The following MEI4 variants were observed in gnomAD, a reference collection of about 807,000 sequenced individuals.
The protein encoded by MEI4 is meiosis-specific protein MEI4.
MEI4 carries 27 observed loss-of-function variants against 31.4 expected under a neutral mutation model. The ratio of observed to expected loss-of-function variants is 0.86; its 90% CI spans 0.63 to 1.19. The LOEUF is 1.19. Among genes scored for constraint, MEI4 ranks in the 50% most tolerant of loss-of-function variants. The pLI is 0.00. For synonymous variants in MEI4, 122 were observed against 145.4 expected (o/e 0.84, Z 1.16); for missense variants, 329 against 398.9 (o/e 0.82, Z 1.49).
intron 1 of MEI4, among the ~76,000 whole-genome samples, chr6:77,676,852 T>C (rs1007140156): frequency 1.3e-5 from 2 of 152,210 alleles, no homozygotes; most frequent in Non-Finnish European, 2.9e-5. Context: ...AAGAAATATA[T>C]CTAATTCATC....
At chr6:77,702,275 G>C (rs1219391852) in intron 2 of MEI4, among the ~76,000 whole-genome samples, 1 of 152,188 alleles carries the variant, frequency 6.6e-6, no homozygotes, top group Non-Finnish European at 1.5e-5. Flanking sequence ...CGACACAACT[G>C]TGGAGCTCAG....
intron 4 of MEI4, among the ~76,000 whole-genome samples, chr6:77,899,587 C>G (rs1581962413): frequency 6.6e-6 from 1 of 152,016 alleles, no homozygotes; most frequent in East Asian, 1.9e-4. Context: ...TTGATGCTTT[C>G]TAGATGAGCA....
chr6:77,856,579 A>G (rs1320313085), intron 4 of MEI4, among the ~76,000 whole-genome samples: 1 of 152,116 alleles, frequency 6.6e-6, no homozygotes, highest in Non-Finnish European at 1.5e-5. Flanking sequence ...ATGTTGCATG[A>G]TTTTGGAAAC....
chr6:77,734,545 T>C (rs940192365), intron 2 of MEI4, among the ~76,000 whole-genome samples: 3 of 152,174 alleles, frequency 2.0e-5, no homozygotes, highest in Admixed American at 2.0e-4. Flanking sequence ...GCACGTGAGA[T>C]GGGTTTCCTG....
rs556935434 is a variant in MEI4, at chr6:77,727,061, A to AGAT, written c.233-34068_233-34066dup. ...ATTACAATTTTTTTTGGTACCTGCA[A>AGAT]GATCCATTGTTAGATTTCTCTTGGG... On this transcript the variant is annotated intron_variant, in intron 2 of 4. Coordinates refer to ENST00000684080, the MANE Select transcript of MEI4 (RefSeq NM_001322247.2). Among the ~76,000 whole-genome samples the AGAT allele has an allele frequency of 5.4e-4, 82 of 152,346 alleles. 1 individual carries two copies. Among genetic ancestry groups the AGAT allele is most frequent in the African/African-American group, 1.9e-3 (80 of 41,582 alleles).
chr6:77,923,018 T>TATC, intron 4 of MEI4, 71 bp from the exon 5 acceptor site: 1 of 942,896 alleles, frequency 1.1e-6, no homozygotes. Context: ...GAAACTCTGA[T>TATC]ATCTTTATAT....
chr6:77,869,133 C>T (rs1297455450), intron 4 of MEI4, among the ~76,000 whole-genome samples: 1 of 152,106 alleles, frequency 6.6e-6, no homozygotes, highest in Non-Finnish European at 1.5e-5. Flanking sequence ...AAGCAAAGTG[C>T]TTCCTGGGCC....
At chr6:77,728,135 T>G (rs986307626) in intron 2 of MEI4, among the ~76,000 whole-genome samples, 1 of 80,072 alleles carries the variant, frequency 1.2e-5, no homozygotes, top group African/African-American at 3.3e-5. Flanking sequence ...ACATTCAATT[T>G]AGATAGATGT....
chr6:77,781,475 T>A (rs927185194), intron 3 of MEI4, among the ~76,000 whole-genome samples: 1 of 152,154 alleles, frequency 6.6e-6, no homozygotes, highest in African/African-American at 2.4e-5. Context: ...TGGGAGTTTA[T>A]TAGAAATGCA....
chr6:77,886,776 G>C (rs1771630090), intron 4 of MEI4, among the ~76,000 whole-genome samples: 1 of 152,040 alleles, frequency 6.6e-6, no homozygotes, highest in African/African-American at 2.4e-5. Flanking sequence ...ATGGGGCTTT[G>C]TATTTCTGTG....
At chr6:77,659,539 A>G (rs1381743956) in intron 1 of MEI4, among the ~76,000 whole-genome samples, 2 of 152,112 alleles carry the variant, frequency 1.3e-5, no homozygotes, top group East Asian at 1.9e-4. Flanking sequence ...ATGGTGTATG[A>G]GAAAACGTTG....
chr6:77,755,304 C>T (rs568086891), intron 2 of MEI4, among the ~76,000 whole-genome samples: 1 of 151,744 alleles, frequency 6.6e-6, no homozygotes, highest in Non-Finnish European at 1.5e-5. Context: ...ACCTTATAAA[C>T]AGAAAAAAAA....
intron 3 of MEI4, among the ~76,000 whole-genome samples, chr6:77,773,828 C>T (rs555539637): frequency 6.6e-6 from 1 of 152,054 alleles, no homozygotes; most frequent in East Asian, 1.9e-4. Flanking sequence ...AGAAAAACAT[C>T]TAATAATCTG....
intron 4 of MEI4, 26 bp downstream of exon 4, chr6:77,829,088 C>A: frequency 1.6e-6 from 2 of 1,225,834 alleles, no homozygotes; most frequent in South Asian, 8.3e-5. Flanking sequence ...AACTGTAGTT[C>A]TCATATATAG....
At chr6:77,751,107 C>T (rs979117943) in intron 2 of MEI4, among the ~76,000 whole-genome samples, 1 of 151,920 alleles carries the variant, frequency 6.6e-6, no homozygotes, top group Admixed American at 6.6e-5. Context: ...CTCTGAGACA[C>T]ATTTAAAACA....
chr6:77,919,403 A>G (rs956813831), intron 4 of MEI4, among the ~76,000 whole-genome samples: 2 of 151,966 alleles, frequency 1.3e-5, no homozygotes, highest in Admixed American at 6.6e-5. Context: ...TGACTACTGG[A>G]TACATAACGA....
intron 3 of MEI4, among the ~76,000 whole-genome samples, chr6:77,825,784 AC>A (rs1769931996): frequency 6.6e-6 from 1 of 152,170 alleles, no homozygotes. Flanking sequence ...TGATCTACTC[AC>A]AGTATCTGTC....
chr6:77,656,448 C>T (rs1180593720), intron 1 of MEI4, among the ~76,000 whole-genome samples: 1 of 151,990 alleles, frequency 6.6e-6, no homozygotes, highest in South Asian at 2.1e-4. Context: ...GAGAAAGCTA[C>T]TTTCTTTCTT....
intron 3 of MEI4, among the ~76,000 whole-genome samples, chr6:77,826,266 A>G (rs940621226): frequency 6.6e-6 from 1 of 152,202 alleles, no homozygotes; most frequent in African/African-American, 2.4e-5. Context: ...GGGCTAAATA[A>G]CATATGTAAA....
Sources: allele counts gnomAD v4.1 joint callset (sites outside exome capture counted in the v4.1 genomes callset), GRCh38; gene constraint gnomAD v4.1.1; transcripts MANE v1.5; gene names NCBI Gene and HGNC (gene_info 2026-07-23, HGNC 2026-07-21).